Variants in DNAH6 observed in about 807,000 individuals in gnomAD.
The protein encoded by DNAH6 is axonemal beta dynein heavy chain 6.
DNAH6 carries 340 observed loss-of-function variants against 491.4 expected under a neutral mutation model. The observed-to-expected ratio is 0.69, with a 90% CI of 0.63 to 0.76. DNAH6 has a LOEUF of 0.76. Ranked by LOEUF, DNAH6 falls within the 30% of genes least tolerant of loss-of-function variation. DNAH6 has a pLI of 0.00. For synonymous variants in DNAH6, 1,603 were observed against 1,686.1 expected (o/e 0.95, Z 1.21); for missense variants, 4,443 against 4,972.2 (o/e 0.89, Z 3.20).
intron 2 of DNAH6, among the ~76,000 whole-genome samples, chr2:84,518,773 G>T (rs953382629): frequency 2.6e-5 from 4 of 152,054 alleles, no homozygotes; most frequent in African/African-American, 9.7e-5. Flanking sequence ...AAATATAAAT[G>T]AACAAAATAA....
At chr2:84,690,771 C>T (rs370772664) in intron 45 of DNAH6, among the ~76,000 whole-genome samples, 29 of 152,192 alleles carry the variant, frequency 1.9e-4, no homozygotes, top group Admixed American at 7.2e-4. Context: ...CTTTTAAGAG[C>T]GTTCAAACAC....
At chr2:84,663,680 A>G (rs898820410) in intron 37 of DNAH6, among the ~76,000 whole-genome samples, 1 of 152,180 alleles carries the variant, frequency 6.6e-6, no homozygotes, top group Non-Finnish European at 1.5e-5. Context: ...TCTGCAGGAT[A>G]TTATCCAGGA....
Position 84,733,673 on chromosome 2 carries a change from CATTTTTCACTAG to C in DNAH6, c.10342+95_10342+106del. The C allele has an allele frequency of 6.1e-6, 7 of 1,156,320 alleles. No homozygotes were observed. The South Asian group carries it at 1.4e-4, about 24-fold the overall frequency. 71.6% of individuals were successfully genotyped at this position (1,156,320 alleles called of 1,614,324 possible). A position where few individuals can be genotyped will look rare whatever the true frequency, so the allele number is the denominator to read the frequency against. On this transcript the variant is annotated intron_variant, in intron 62 of 76. Coordinates refer to ENST00000389394, the MANE Select transcript of DNAH6 (RefSeq NM_001370.2). Reference sequence around the variant, plus strand: ...TCTTTAACCTCTTCTGTAATGTCAGCATTTTTCACTAGGAACTTCCTTCATTTCTAAGAAACT... The same window carrying C: ...TCTTTAACCTCTTCTGTAATGTCAGCGAACTTCCTTCATTTCTAAGAAACT...
intron 42 of DNAH6, 99 bp downstream of exon 42, chr2:84,681,627 A>T: frequency 9.2e-7 from 1 of 1,092,276 alleles, no homozygotes; most frequent in Non-Finnish European, 1.2e-6. Context: ...GGTGTTGGTG[A>T]CTCACCCAGA....
intron 54 of DNAH6, among the ~76,000 whole-genome samples, chr2:84,708,206 G>C (rs1048033556): frequency 1.3e-5 from 2 of 152,016 alleles, no homozygotes; most frequent in Non-Finnish European, 2.9e-5. Context: ...GGGAGGCCAA[G>C]GCGGGTGGAT....
Position 84,636,751 on chromosome 2 carries a change from G to A in DNAH6, c.4654-459G>A, listed in dbSNP as rs1573311334. On this transcript the variant is annotated intron_variant, in intron 30 of 76. Transcript: ENST00000389394. ...ATGAATTTACAATTAGTGGGGCGTG[G>A]TGGGGTGTGCCTGTGGTCCCAGCTA... is the stretch of plus-strand genomic sequence containing the variant. 5.9e-5 allele frequency among the ~76,000 whole-genome samples: 9 copies of A among 152,166 alleles called. 1 individual carries two copies. The South Asian group carries it at 1.7e-3, about 28-fold the overall frequency.
At chr2:84,559,837 GA>G (rs1680463027) in intron 11 of DNAH6, among the ~76,000 whole-genome samples, 1 of 151,822 alleles carries the variant, frequency 6.6e-6, no homozygotes, top group South Asian at 2.1e-4. Flanking sequence ...AAATGGAAAA[GA>G]AAAAAGACAA....
chr2:84,611,968 C>A, intron 22 of DNAH6, 114 bp downstream of exon 22: 1 of 910,506 alleles, frequency 1.1e-6, no homozygotes, highest in Non-Finnish European at 1.6e-6. Context: ...GTCCATTCAA[C>A]CCTTGATTCT....
At chr2:84,662,564 C>T (rs1270033825) in intron 37 of DNAH6, among the ~76,000 whole-genome samples, 3 of 152,138 alleles carry the variant, frequency 2.0e-5, no homozygotes, top group South Asian at 2.1e-4. Context: ...GAGGGGTGCC[C>T]ACCATTGCTG....
At chr2:84,633,540 T>C (rs1688595259) in intron 29 of DNAH6, among the ~76,000 whole-genome samples, 1 of 152,126 alleles carries the variant, frequency 6.6e-6, no homozygotes, top group Non-Finnish European at 1.5e-5. Flanking sequence ...CATGTATGTA[T>C]TCATGTTGCA....
At chr2:84,514,844 C>T (rs1026262708), upstream of DNAH6, among the ~76,000 whole-genome samples, 6 of 145,604 alleles carry the variant, frequency 4.1e-5, no homozygotes, top group African/African-American at 1.5e-4. Flanking sequence ...TCTTCCAATC[C>T]TCCCACCCCC....
intron 59 of DNAH6, among the ~76,000 whole-genome samples, chr2:84,719,933 C>T (rs890321905): frequency 6.6e-6 from 1 of 151,974 alleles, no homozygotes. Flanking sequence ...CCTTCCCATC[C>T]TCTGGCCTCC....
chr2:84,554,800 C>T (rs1464912681), intron 10 of DNAH6, among the ~76,000 whole-genome samples: 5 of 152,234 alleles, frequency 3.3e-5, no homozygotes, highest in Non-Finnish European at 1.5e-5. Context: ...AGACTCATGT[C>T]CTTCACATGG....
At chr2:84,480,126 C>T in the DNAH6 span, among the ~76,000 whole-genome samples, 7 of 152,178 alleles carry the variant, frequency 4.6e-5, no homozygotes, top group Non-Finnish European at 1.0e-4. Context: ...CTTGATTTGG[C>T]TTTACACTTA....
the DNAH6 span, among the ~76,000 whole-genome samples, chr2:84,491,351 G>C: frequency 1.3e-5 from 2 of 152,088 alleles, no homozygotes; most frequent in South Asian, 4.1e-4. Flanking sequence ...TTTCTTGTCA[G>C]TAGAATCCTA....
intron 42 of DNAH6, among the ~76,000 whole-genome samples, chr2:84,681,978 G>T (rs1693821050): frequency 6.8e-6 from 1 of 147,704 alleles, no homozygotes; most frequent in African/African-American, 2.5e-5. Context: ...GGCATAAAAA[G>T]CCACTATCAT....
In DNAH6 at chr2:84,688,584, A is replaced by G. The variant is rs1291014596; in HGVS notation, c.7283A>G (p.His2428Arg). Reference sequence around the variant, plus strand: ...GTGTTCTTCCAGGATGCTATAGAACATGTTTCAAGGTATAGTGCTATAAGG... The same window carrying G: ...GTGTTCTTCCAGGATGCTATAGAACGTGTTTCAAGGTATAGTGCTATAAGG... ...KLVFFQDAIE[H>R]VSRIARMIRQ... The change falls in exon 45 of 77, where the codon CAT becomes CGT. Residue 2428 changes from histidine (H) to arginine (R), a missense_variant. Coordinates refer to ENST00000389394, the MANE Select transcript of DNAH6 (RefSeq NM_001370.2). 1 of 1,540,646 alleles carries G rather than the reference A, an allele frequency of 6.5e-7. No individual in the cohort carries two copies. The highest frequency in any genetic ancestry group is 8.7e-7 in the Non-Finnish European group (1 of 1,144,546).
At chr2:84,688,095 C>T (rs1483788928) in intron 44 of DNAH6, among the ~76,000 whole-genome samples, 3 of 151,884 alleles carry the variant, frequency 2.0e-5, no homozygotes, top group African/African-American at 7.2e-5. Flanking sequence ...ATAAGCTGGG[C>T]GTGGTGGTGG....
chr2:84,642,638 T>A (rs762958914), intron 33 of DNAH6, among the ~76,000 whole-genome samples: 1 of 152,108 alleles, frequency 6.6e-6, no homozygotes, highest in Non-Finnish European at 1.5e-5. Context: ...TTTTCAGTGG[T>A]TGCCCTAGAT....
Sources: gnomAD v4.1 joint callset for allele counts (sites outside exome capture counted in the v4.1 genomes callset) on GRCh38, gnomAD v4.1.1 for gene constraint, MANE v1.5 for transcripts, NCBI Gene and HGNC (gene_info 2026-07-23, HGNC 2026-07-21) for gene names.